Variants in EIF2S3 observed in about 807,000 individuals in gnomAD.
The protein encoded by EIF2S3 is eukaryotic translation initiation factor 2 subunit gamma.
A neutral mutation model predicts 31.7 loss-of-function variants in EIF2S3; 2 were observed. That is an observed-to-expected ratio of 0.06 (90% CI 0.03 to 0.20). The LOEUF (loss-of-function observed/expected upper bound fraction) is 0.20, where lower values mean the gene tolerates loss of function less well. EIF2S3 is among the 10% of genes least tolerant of loss of function. The pLI is 1.00. For synonymous variants in EIF2S3, 120 were observed against 126.7 expected, an observed-to-expected ratio of 0.95 and a Z score of 0.36; for missense variants, 96 against 359.3, an observed-to-expected ratio of 0.27 and a Z score of 5.92.
Position 24,073,150 on chromosome X carries a change from A to G in EIF2S3, c.1242A>G (p.Gly414=). The change falls in exon 11 of 12, where the codon GGA becomes GGG. Residue 414 remains glycine (G), a synonymous_variant. Transcript: ENST00000253039. ...TGAACATAGGATCCCTGTCAACAGG[A>G]GGGAGAGTTAGTGCTGTCAAGGCCG... is the stretch of plus-strand genomic sequence containing the variant. ...LMVNIGSLST[G]GRVSAVKADL... 1 of 1,211,797 alleles carries G rather than the reference A, an allele frequency of 8.3e-7. No individual in the cohort carries two copies. Among genetic ancestry groups the G allele is most frequent in the Non-Finnish European group, 1.1e-6 (1 of 895,460 alleles).
chrX:24,069,396 GAAGAA>G (rs1019454686), intron 9 of EIF2S3, among the ~76,000 whole-genome samples: 3 of 104,066 alleles, frequency 2.9e-5, no homozygotes, highest in Non-Finnish European at 5.9e-5. Context: ...AAAAAAACAA[GAAGAA>G]AAGAAAAGAA....
intron 11 of EIF2S3, among the ~76,000 whole-genome samples, chrX:24,076,159 A>G (rs1374201387): frequency 1.8e-5 from 2 of 111,503 alleles, no homozygotes; most frequent in African/African-American, 6.5e-5. Context: ...TGCCCTTTTG[A>G]TTTTACTGTC....
At chrX:24,063,323 T>C (rs1930521139) in intron 6 of EIF2S3, among the ~76,000 whole-genome samples, 1 of 112,493 alleles carries the variant, frequency 8.9e-6, no homozygotes, top group African/African-American at 3.2e-5. Flanking sequence ...ATGTGATTTA[T>C]TGTTGACATT....
chrX:24,077,745 T>TG lies in EIF2S3; in HGVS notation c.*961dup, dbSNP rs1280651947. The TG allele has an allele frequency of 1.8e-5, 2 of 112,123 alleles. No individual in the cohort carries two copies. The highest frequency in any genetic ancestry group is 6.5e-5 in the African/African-American group (2 of 30,899). 9.2% of individuals were successfully genotyped at this position (112,123 alleles called of 1,213,427 possible). A position where few individuals can be genotyped will look rare whatever the true frequency, so the allele number is the denominator to read the frequency against. On this transcript the variant is annotated 3_prime_UTR_variant, in exon 12 of 12. Transcript: ENST00000253039. ...GTCAAAAGTTATCTCCCTCTCCCTG[T>TG]GATGCCTTGAGATTTTTTTCTGCGT...
intron 7 of EIF2S3, among the ~76,000 whole-genome samples, chrX:24,065,062 A>G (rs1427406782): frequency 9.0e-6 from 1 of 111,697 alleles, no homozygotes; most frequent in African/African-American, 3.3e-5. Context: ...TTCTCGAAAC[A>G]GACATTTGAG....
chrX:24,066,124 G>GTTT (rs150782745), intron 8 of EIF2S3, 32 bp downstream of exon 8: 957 of 795,105 alleles, frequency 1.2e-3, no homozygotes, highest in Non-Finnish European at 1.4e-3. Context: ...GTGATTTTGG[G>GTTT]TTTTTTTTTT....
At chrX:24,074,030 T>C (rs761869697) in intron 11 of EIF2S3, among the ~76,000 whole-genome samples, 1 of 112,398 alleles carries the variant, frequency 8.9e-6, no homozygotes, top group South Asian at 3.6e-4. Flanking sequence ...AGGATATTCT[T>C]ATGTAACCAC....
chrX:24,063,893 T>C (rs770678594), intron 6 of EIF2S3, among the ~76,000 whole-genome samples: 43 of 112,234 alleles, frequency 3.8e-4, no homozygotes, highest in African/African-American at 1.2e-3. Flanking sequence ...AGTAGAGTGC[T>C]CTTTCACAGG....
intron 11 of EIF2S3, 151 bp from the exon 12 acceptor site, chrX:24,076,571 G>T (rs371875159): frequency 7.5e-5 from 37 of 492,371 alleles, no homozygotes; most frequent in East Asian, 6.3e-4. Flanking sequence ...AAGAATCTAA[G>T]AATATAGTGT....
At chrX:24,066,355 T>TA (rs1569279306) in intron 8 of EIF2S3, among the ~76,000 whole-genome samples, 1 of 109,996 alleles carries the variant, frequency 9.1e-6, no homozygotes, top group Non-Finnish European at 1.9e-5. Flanking sequence ...AGCTTCCACA[T>TA]ATACAGATGA....
Position 24,064,198 on chromosome X carries a change from T to C in EIF2S3, c.638-3T>C, listed in dbSNP as rs983457701. On this transcript the variant is annotated splice_region_variant and splice_polypyrimidine_tract_variant and intron_variant, in intron 6 of 11. Transcript: ENST00000253039. ...TTTGATCTTTCTAAATTTTGTCATA[T>C]AGGTACAGTAGCAGAGGGAGCTCCC... 1 of 1,148,370 alleles carries C rather than the reference T, an allele frequency of 8.7e-7. No individual in the cohort carries two copies. Among genetic ancestry groups the C allele is most frequent in the African/African-American group, 1.8e-5 (1 of 54,907 alleles). 94.6% of individuals were successfully genotyped at this position (1,148,370 alleles called of 1,213,427 possible). A position where few individuals can be genotyped will look rare whatever the true frequency, so the allele number is the denominator to read the frequency against.
chrX:24,075,289 T>C (rs1311883868), intron 11 of EIF2S3, among the ~76,000 whole-genome samples: 2 of 111,362 alleles, frequency 1.8e-5, no homozygotes, highest in African/African-American at 6.5e-5. Flanking sequence ...AGCTGAGTGT[T>C]CAGGTGTGCT....
intron 11 of EIF2S3, among the ~76,000 whole-genome samples, chrX:24,076,345 G>A (rs191535405): frequency 1.8e-5 from 2 of 110,808 alleles, no homozygotes; most frequent in Non-Finnish European, 3.8e-5. Flanking sequence ...CAGCCTGGCC[G>A]ACATAGTGAA....
chrX:24,075,719 A>G (rs923288905), intron 11 of EIF2S3, among the ~76,000 whole-genome samples: 4 of 110,162 alleles, frequency 3.6e-5, no homozygotes, highest in Non-Finnish European at 7.6e-5. Flanking sequence ...ACCCCTACCC[A>G]CTATCTACTT....
chrX:24,058,916 G>A (rs1204921403), intron 4 of EIF2S3, among the ~76,000 whole-genome samples: 1 of 109,043 alleles, frequency 9.2e-6, no homozygotes, highest in Non-Finnish European at 1.9e-5. Context: ...GTAGAGGTGG[G>A]CTTTTGCCAT....
At chrX:24,060,435 C>G in intron 5 of EIF2S3, 1 of 377,679 alleles carries the variant, frequency 2.6e-6, no homozygotes. Context: ...GTCAATAGTT[C>G]ATTTTTCTCA....
At chrX:24,065,868 G>T in intron 7 of EIF2S3, 130 bp from the exon 8 acceptor site, 1 of 491,808 alleles carries the variant, frequency 2.0e-6, no homozygotes, top group South Asian at 4.2e-5. Flanking sequence ...AATAATAATA[G>T]ATTTTGTTAA....
At chrX:24,060,948 CAAAAAAAAA>C (rs35873085) in intron 5 of EIF2S3, among the ~76,000 whole-genome samples, 1 of 24,322 alleles carries the variant, frequency 4.1e-5, no homozygotes, top group African/African-American at 1.9e-4. Flanking sequence ...AACTACATCT[CAAAAAAAAA>C]AAAAAAAAAA....
At chrX:24,069,030 G>C (rs192066747) in intron 9 of EIF2S3, among the ~76,000 whole-genome samples, 1 of 111,517 alleles carries the variant, frequency 9.0e-6, no homozygotes, top group Admixed American at 9.6e-5. Context: ...CCAATAAGTT[G>C]TGTCTCTGGT....
Sources: allele counts gnomAD v4.1 joint callset (sites outside exome capture counted in the v4.1 genomes callset), GRCh38; gene constraint gnomAD v4.1.1; transcripts MANE v1.5; gene names NCBI Gene and HGNC (gene_info 2026-07-23, HGNC 2026-07-21).